Variants in RPRD1B observed in about 807,000 individuals in gnomAD.
RPRD1B encodes the protein regulation of nuclear pre-mRNA domain containing 1B.
RPRD1B carries 11 observed loss-of-function variants against 41.5 expected under a neutral mutation model. That is an observed-to-expected ratio of 0.27 (90% CI 0.17 to 0.44). The LOEUF (loss-of-function observed/expected upper bound fraction) is 0.44, where lower values mean the gene tolerates loss of function less well. Among genes scored for constraint, RPRD1B ranks in the 20% least tolerant of loss-of-function variants. The pLI is 1.00. For synonymous variants in RPRD1B, 158 were observed against 155.6 expected (o/e 1.02, Z -0.12); for missense variants, 248 against 389.9 (o/e 0.64, Z 3.06).
intron 6 of RPRD1B, among the ~76,000 whole-genome samples, chr20:38,083,662 T>A (rs2074534776): frequency 6.6e-6 from 1 of 152,230 alleles, no homozygotes; most frequent in Non-Finnish European, 1.5e-5. Context: ...GCCGAACTGC[T>A]CCAAGAACAT....
At position 38,076,906 on chromosome 20, in the gene RPRD1B, C is replaced by CTTT. The variant is rs573460686; in HGVS notation, c.831+10678_831+10680dup. On this transcript the variant is annotated intron_variant, in intron 6 of 6. Transcript: ENST00000373433. Reference sequence around the variant, plus strand: ...CCTTTAGCCTTTTCTCATTCTGGACCTTTTTTTTTTTTTTTTTTTTTTTTT... The same window carrying CTTT: ...CCTTTAGCCTTTTCTCATTCTGGACCTTTTTTTTTTTTTTTTTTTTTTTTTTTT... 1.2e-3 allele frequency among the ~76,000 whole-genome samples: 79 copies of CTTT among 63,522 alleles called. 18 individuals are homozygous for CTTT. Among genetic ancestry groups the CTTT allele is most frequent in the East Asian group, 3.5e-3 (6 of 1,692 alleles). The allele number at this position is 63,522 out of a possible 152,430, so 41.7% of individuals were successfully genotyped here.
intron 6 of RPRD1B, among the ~76,000 whole-genome samples, chr20:38,087,183 C>CT (rs1246681398): frequency 6.6e-6 from 1 of 152,208 alleles, no homozygotes; most frequent in Non-Finnish European, 1.5e-5. Flanking sequence ...TGGTCTTGAA[C>CT]TCCTGACCTC....
rs1600671583 is a variant in RPRD1B, at chr20:38,035,257, C to G, written c.151+1159C>G. Among the ~76,000 whole-genome samples the G allele has an allele frequency of 1.3e-5, 2 of 152,248 alleles. 1 individual carries two copies. The highest frequency in any genetic ancestry group is 6.8e-3 in the Middle Eastern group (2 of 294). ...GGGGAAAGATGGACACCTACACTCC[C>G]GGATGAGTTTCATAATGGAAGACTG... On this transcript the variant is annotated intron_variant, in intron 1 of 6. Coordinates refer to ENST00000373433, the MANE Select transcript of RPRD1B (RefSeq NM_021215.4).
chr20:38,040,550 T>C lies in RPRD1B; in HGVS notation c.267T>C (p.Phe89=). The change falls in exon 2 of 7, where the codon TTT becomes TTC. Residue 89 remains phenylalanine (F), a synonymous_variant. Coordinates refer to ENST00000373433, the MANE Select transcript of RPRD1B (RefSeq NM_021215.4). ...TTGAATCTGTCCTTGTGGATGCTTT[T>C]TCTCATGTTGCCAGGTATGTTGTCT... is the stretch of plus-strand genomic sequence containing the variant. The part of the protein sequence containing the change: ...REFESVLVDA[F]SHVAREADEG... The C allele has an allele frequency of 6.2e-7, 1 of 1,600,138 alleles. No homozygotes were observed. Among genetic ancestry groups the C allele is most frequent in the South Asian group, 1.1e-5 (1 of 87,430 alleles).
chr20:38,082,340 G>A (rs1020560125), intron 6 of RPRD1B, among the ~76,000 whole-genome samples: 4 of 152,058 alleles, frequency 2.6e-5, no homozygotes, highest in African/African-American at 9.7e-5. Flanking sequence ...TTTCTAGTTT[G>A]TGTGCATAGA....
At chr20:38,054,517 A>G (rs2074220488) in intron 3 of RPRD1B, among the ~76,000 whole-genome samples, 1 of 152,174 alleles carries the variant, frequency 6.6e-6, no homozygotes, top group Non-Finnish European at 1.5e-5. Flanking sequence ...TAGCACCCAG[A>G]TTTACACTAA....
At chr20:38,055,290 G>A (rs1010619934) in intron 3 of RPRD1B, among the ~76,000 whole-genome samples, 4 of 152,154 alleles carry the variant, frequency 2.6e-5, no homozygotes. Flanking sequence ...GTTTGAACAA[G>A]GGTTGCCTTC....
At chr20:38,040,642 G>A in intron 2 of RPRD1B, 78 bp downstream of exon 2, 3 of 1,474,520 alleles carry the variant, frequency 2.0e-6, no homozygotes, top group Non-Finnish European at 1.8e-6. Flanking sequence ...TTCTGTGATA[G>A]CCTTTGTAAA....
intron 6 of RPRD1B, among the ~76,000 whole-genome samples, chr20:38,069,539 G>A (rs2074391058): frequency 6.6e-6 from 1 of 152,200 alleles, no homozygotes; most frequent in African/African-American, 2.4e-5. Context: ...GGAAGGAGGT[G>A]CTGCAGACCA....
chr20:38,078,433 T>G (rs967099391), intron 6 of RPRD1B, among the ~76,000 whole-genome samples: 1 of 152,234 alleles, frequency 6.6e-6, no homozygotes, highest in Non-Finnish European at 1.5e-5. Flanking sequence ...CAAACAGTAT[T>G]TTCTCAGGGC....
intron 3 of RPRD1B, among the ~76,000 whole-genome samples, chr20:38,052,332 G>A (rs117222945): frequency 0.024 from 3,695 of 152,228 alleles, 73 homozygotes; most frequent in Non-Finnish European, 0.033. Context: ...GTTTTTGTGC[G>A]AGGCTGGAGA....
intron 6 of RPRD1B, among the ~76,000 whole-genome samples, chr20:38,082,347 T>C (rs1260779060): frequency 6.6e-6 from 1 of 152,178 alleles, no homozygotes; most frequent in Admixed American, 6.5e-5. Context: ...TTTGTGTGCA[T>C]AGAGGTTGAA....
At chr20:38,063,799 C>T (rs1224765807) in intron 5 of RPRD1B, among the ~76,000 whole-genome samples, 3 of 152,286 alleles carry the variant, frequency 2.0e-5, no homozygotes, top group Middle Eastern at 3.4e-3. Context: ...GAGCAGGGAG[C>T]GTGAGGACAG....
Position 38,067,096 on chromosome 20 carries a change from C to T in RPRD1B, c.831+840C>T, listed in dbSNP as rs142299661. Among the ~76,000 whole-genome samples, 1,268 of 152,258 alleles carry T rather than the reference C, an allele frequency of 8.3e-3. 10 individuals are homozygous for T. The highest frequency in any genetic ancestry group is 0.025 in the African/African-American group (1,040 of 41,536). ...AAACTGTAAAAGACCTCATTTCTACCCTGGGTTGAGGACATTAGTCTGAGT... is the reference window on the plus strand; with the variant it reads ...AAACTGTAAAAGACCTCATTTCTACTCTGGGTTGAGGACATTAGTCTGAGT... On this transcript the variant is annotated intron_variant, in intron 6 of 6. Transcript: ENST00000373433.
In RPRD1B at chr20:38,091,839, C is replaced by T. The variant is rs947783028; in HGVS notation, c.*1964C>T. On this transcript the variant is annotated 3_prime_UTR_variant, in exon 7 of 7. Coordinates refer to ENST00000373433, the MANE Select transcript of RPRD1B (RefSeq NM_021215.4). ...TGCTCTGTTTTATCCAACTGAGTCT[C>T]TGACCAGCAATTGGTGCATAATTAT... 2.0e-6 allele frequency: 2 copies of T among 985,734 alleles called. No homozygotes were observed. Among genetic ancestry groups the T allele is most frequent in the African/African-American group, 3.5e-5 (2 of 57,244 alleles). 61.1% of individuals were successfully genotyped at this position (985,734 alleles called of 1,614,324 possible). A position where few individuals can be genotyped will look rare whatever the true frequency, so the allele number is the denominator to read the frequency against.
Position 38,057,640 on chromosome 20 carries a change from T to G in RPRD1B, c.524T>G (p.Leu175Arg), listed in dbSNP as rs1555800605. 1 of 1,605,394 alleles carries G rather than the reference T, an allele frequency of 6.2e-7. No homozygotes were observed. Among genetic ancestry groups the G allele is most frequent in the Non-Finnish European group, 8.5e-7 (1 of 1,172,126 alleles). ...YSPQDPSAGP[L>R]LTEELIKALQ... ...CCTCAGGATCCTTCTGCAGGACCCC[T>G]CTTGGTAGGTCTTGACCCCCAGAGA... Residue 175 changes from leucine to arginine, a missense_variant, in exon 4 of 7, where the codon CTC becomes CGC. By Grantham distance (102) the Leu-to-Arg change is moderately radical (BLOSUM62 -2). This residue lies in a region of RPRD1B where 94 missense variants were observed against 82.3 expected (regional missense o/e 1.14). Transcript: ENST00000373433.
At position 38,076,793 on chromosome 20, in the gene RPRD1B, G is replaced by A. The variant is rs373750184; in HGVS notation, c.831+10537G>A. Among the ~76,000 whole-genome samples, 16 of 150,756 alleles carry A rather than the reference G, an allele frequency of 1.1e-4. No homozygotes were observed. In the East Asian group the frequency reaches 2.3e-3, roughly 22 times the overall value. On this transcript the variant is annotated intron_variant, in intron 6 of 6. Transcript: ENST00000373433. ...GTATTACAATGTATTTGCATTTCTG[G>A]TTTCTGTGTACCACCCTCTGCTGGT...
rs2074257380 is a variant in RPRD1B at position 38,057,651 on chromosome 20, C to A, written c.528+7C>A. On this transcript the variant is annotated splice_region_variant and intron_variant, in intron 4 of 6. Transcript: ENST00000373433. Reference sequence around the variant, plus strand: ...TTCTGCAGGACCCCTCTTGGTAGGTCTTGACCCCCAGAGAGTAGGGAACAG... The same window carrying A: ...TTCTGCAGGACCCCTCTTGGTAGGTATTGACCCCCAGAGAGTAGGGAACAG... 8 of 1,590,970 alleles carry A rather than the reference C, an allele frequency of 5.0e-6. No homozygotes were observed. Among genetic ancestry groups the A allele is most frequent in the Admixed American group, 1.7e-5 (1 of 59,972 alleles).
Position 38,062,407 on chromosome 20 carries a change from C to T in RPRD1B, c.655+2887C>T, listed in dbSNP as rs550874009. Among the ~76,000 whole-genome samples, 47 of 152,310 alleles carry T rather than the reference C, an allele frequency of 3.1e-4. 1 individual carries two copies. In the South Asian group the frequency reaches 9.5e-3, roughly 31 times the overall value. The stretch of plus-strand genomic sequence containing the variant: ...CTAGTGTTGACCCTTCCACCTTGAA[C>T]TTGAGACCCATATATCCAACCTCCT... On this transcript the variant is annotated intron_variant, in intron 5 of 6. Coordinates refer to ENST00000373433, the MANE Select transcript of RPRD1B (RefSeq NM_021215.4).
Sources: allele counts gnomAD v4.1 joint callset (sites outside exome capture counted in the v4.1 genomes callset), GRCh38; gene constraint gnomAD v4.1.1; regional missense constraint gnomAD v4.1.1; transcripts MANE v1.5; gene names NCBI Gene and HGNC (gene_info 2026-07-23, HGNC 2026-07-21).